The following FHOD3 variants were observed in gnomAD, a reference collection of about 807,000 sequenced individuals.
FHOD3 encodes FH1/FH2 domain-containing protein 3.
FHOD3 carries 90 observed loss-of-function variants against 173.0 expected under a neutral mutation model. The ratio of observed to expected loss-of-function variants is 0.52; its 90% CI spans 0.44 to 0.62. The LOEUF is 0.62. FHOD3 is among the 20% of genes least tolerant of loss of function. The pLI is 0.00. For missense variants in FHOD3, 1,945 were observed against 2,034.7 expected, an observed-to-expected ratio of 0.96 and a Z score of 0.85; for synonymous variants, 828 against 823.0, an observed-to-expected ratio of 1.01 and a Z score of -0.10.
chr18:36,408,506 G>A (rs1056303504), intron 3 of FHOD3, among the ~76,000 whole-genome samples: 4 of 152,162 alleles, frequency 2.6e-5, no homozygotes, highest in African/African-American at 9.7e-5. Context: ...ACAGGGGAAG[G>A]GCTGTCTCAT....
At chr18:36,368,211 C>A (rs537152808) in intron 2 of FHOD3, among the ~76,000 whole-genome samples, 1 of 152,222 alleles carries the variant, frequency 6.6e-6, no homozygotes, top group Admixed American at 6.5e-5. Context: ...ATCTTCAGGG[C>A]AGGCTAGCAG....
At chr18:36,775,657 T>C (rs776962704) in intron 28 of FHOD3, among the ~76,000 whole-genome samples, 6 of 152,178 alleles carry the variant, frequency 3.9e-5, no homozygotes, top group Non-Finnish European at 7.3e-5. Context: ...CTGTGAGCCC[T>C]TTGTGGGAAT....
intron 10 of FHOD3, among the ~76,000 whole-genome samples, chr18:36,627,729 G>A (rs78068982): frequency 1.6e-3 from 238 of 152,234 alleles, no homozygotes; most frequent in African/African-American, 5.2e-3. Flanking sequence ...CCAAAGTGAC[G>A]GCATGATTTT....
At chr18:36,486,690 G>A (rs1286218456) in intron 3 of FHOD3, among the ~76,000 whole-genome samples, 2 of 152,142 alleles carry the variant, frequency 1.3e-5, no homozygotes, top group African/African-American at 2.4e-5. Context: ...CCTTATTGAC[G>A]AGTAATTCAC....
intron 3 of FHOD3, among the ~76,000 whole-genome samples, chr18:36,491,593 C>T (rs2054476005): frequency 6.6e-6 from 1 of 152,192 alleles, no homozygotes; most frequent in Admixed American, 6.5e-5. Flanking sequence ...CTCCAAACCC[C>T]AGGCAACCAC....
At chr18:36,700,155 T>C (rs2039502969) in intron 17 of FHOD3, among the ~76,000 whole-genome samples, 1 of 152,208 alleles carries the variant, frequency 6.6e-6, no homozygotes, top group African/African-American at 2.4e-5. Flanking sequence ...ACACATCCTC[T>C]CACTGGGCCC....
intron 5 of FHOD3, among the ~76,000 whole-genome samples, chr18:36,542,673 A>G (rs1419300575): frequency 1.3e-5 from 2 of 152,230 alleles, no homozygotes; most frequent in Non-Finnish European, 2.9e-5. Flanking sequence ...AAAAAATGGC[A>G]TATTTAAACA....
At chr18:36,595,441 G>A (rs977288430) in intron 7 of FHOD3, among the ~76,000 whole-genome samples, 3 of 152,276 alleles carry the variant, frequency 2.0e-5, no homozygotes, top group African/African-American at 7.2e-5. Flanking sequence ...CCCTGGCTAA[G>A]GGGACCCTTC....
At chr18:36,360,825 G>A (rs1255786531) in intron 2 of FHOD3, among the ~76,000 whole-genome samples, 1 of 152,184 alleles carries the variant, frequency 6.6e-6, no homozygotes, top group Non-Finnish European at 1.5e-5. Flanking sequence ...AGGAATGAAA[G>A]CAATTTCTTC....
chr18:36,550,452 G>A (rs1247061956), intron 5 of FHOD3, among the ~76,000 whole-genome samples: 1 of 150,280 alleles, frequency 6.7e-6, no homozygotes, highest in Non-Finnish European at 1.5e-5. Flanking sequence ...TAAGAATTTT[G>A]GTTTTTTTTC....
chr18:36,422,346 G>T (rs779692817), intron 3 of FHOD3, among the ~76,000 whole-genome samples: 5 of 151,988 alleles, frequency 3.3e-5, no homozygotes, highest in Admixed American at 1.3e-4. Flanking sequence ...ATAATATTCA[G>T]TTCCATGTAT....
intron 3 of FHOD3, among the ~76,000 whole-genome samples, chr18:36,492,584 CATT>C (rs1186726084): frequency 6.6e-6 from 1 of 152,138 alleles, no homozygotes; most frequent in Non-Finnish European, 1.5e-5. Flanking sequence ...GATAACCAAT[CATT>C]AAGATTATTG....
At chr18:36,307,356 A>G (rs1184417387) in intron 1 of FHOD3, among the ~76,000 whole-genome samples, 1 of 152,136 alleles carries the variant, frequency 6.6e-6, no homozygotes, top group Non-Finnish European at 1.5e-5. Flanking sequence ...TGGCCCTTGA[A>G]AATTAATTGG....
intron 5 of FHOD3, among the ~76,000 whole-genome samples, chr18:36,550,361 T>A (rs1243192997): frequency 6.6e-6 from 1 of 151,492 alleles, no homozygotes; most frequent in African/African-American, 2.4e-5. Flanking sequence ...AGTTTTATAA[T>A]AACTCCTAAA....
chr18:36,693,963 CT>C (rs1273755185), intron 17 of FHOD3, among the ~76,000 whole-genome samples: 3 of 152,046 alleles, frequency 2.0e-5, no homozygotes, highest in African/African-American at 7.2e-5. Context: ...TGTGTACGTC[CT>C]TATGTACAGA....
At chr18:36,648,461 A>G (rs1488908892) in intron 10 of FHOD3, among the ~76,000 whole-genome samples, 8 of 152,202 alleles carry the variant, frequency 5.3e-5, no homozygotes, top group African/African-American at 1.9e-4. Flanking sequence ...ACTTAGCTGC[A>G]AGGACAAAAC....
At chr18:36,392,737 CAT>C (rs2048364180) in intron 3 of FHOD3, among the ~76,000 whole-genome samples, 1 of 152,226 alleles carries the variant, frequency 6.6e-6, no homozygotes, top group Non-Finnish European at 1.5e-5. Flanking sequence ...ATTTGTACCT[CAT>C]AGATTCTTTT....
chr18:36,589,487 T>C (rs1282591870), intron 6 of FHOD3, among the ~76,000 whole-genome samples: 1 of 152,162 alleles, frequency 6.6e-6, no homozygotes, highest in African/African-American at 2.4e-5. Context: ...GCTGGCTGGA[T>C]CCAGTTCTGA....
intron 9 of FHOD3, among the ~76,000 whole-genome samples, chr18:36,621,063 G>A (rs1459549625): frequency 1.3e-5 from 2 of 152,132 alleles, no homozygotes; most frequent in Non-Finnish European, 2.9e-5. Flanking sequence ...TTTCAGAAGG[G>A]TGATTTGATC....
Sources: allele counts gnomAD v4.1 joint callset (sites outside exome capture counted in the v4.1 genomes callset), GRCh38; gene constraint gnomAD v4.1.1; transcripts MANE v1.5; gene names NCBI Gene and HGNC (gene_info 2026-07-23, HGNC 2026-07-21).